Variants in SOX6 observed in about 807,000 individuals in gnomAD.
The protein encoded by SOX6 is transcription factor SOX-6.
A neutral mutation model predicts 97.8 loss-of-function variants in SOX6; 11 were observed. The observed-to-expected ratio is 0.11, with a 90% CI of 0.07 to 0.19. The LOEUF (loss-of-function observed/expected upper bound fraction) is 0.19, where lower values mean the gene tolerates loss of function less well. Ranked by LOEUF, SOX6 falls within the 10% of genes least tolerant of loss-of-function variation. The pLI is 1.00. For synonymous variants in SOX6, 360 were observed against 371.4 expected, an observed-to-expected ratio of 0.97 and a Z score of 0.35; for missense variants, 810 against 1,039.5, an observed-to-expected ratio of 0.78 and a Z score of 3.04.
In SOX6 at chr11:15,969,073, A is replaced by ATTTTT. The variant is rs60907927; in HGVS notation, c.*3731_*3735dup. The ATTTTT allele has an allele frequency of 8.8e-5, 8 of 90,618 alleles. No homozygotes were observed. The highest frequency in any genetic ancestry group is 2.7e-4 in the African/African-American group (7 of 25,814). The allele number at this position is 90,618 out of a possible 1,614,324, so 5.6% of individuals were successfully genotyped here. The stretch of plus-strand genomic sequence containing the variant: ...CCTTTTCCTTCCATTCCATATGGCT[A>ATTTTT]TTTTTTTTTTTTTTTTTTTTTGGGA... On this transcript the variant is annotated 3_prime_UTR_variant, in exon 16 of 16. Coordinates refer to ENST00000683767, the MANE Select transcript of SOX6 (RefSeq NM_001367873.1).
At chr11:16,649,323 C>G (rs1849059354) in intron 3 of SOX6, among the ~76,000 whole-genome samples, 1 of 152,118 alleles carries the variant, frequency 6.6e-6, no homozygotes, top group East Asian at 1.9e-4. Flanking sequence ...ATTCATCAGA[C>G]TATCTAAAGT....
chr11:16,571,346 T>C (rs1416529463), intron 4 of SOX6, among the ~76,000 whole-genome samples: 1 of 152,202 alleles, frequency 6.6e-6, no homozygotes, highest in South Asian at 2.1e-4. Flanking sequence ...ATTACCCCCC[T>C]ATGCAATTTA....
chr11:16,575,302 TATAA>T (rs1164544163), intron 4 of SOX6, among the ~76,000 whole-genome samples: 5 of 152,310 alleles, frequency 3.3e-5, no homozygotes, highest in South Asian at 2.1e-4. Flanking sequence ...TTGGTAACAC[TATAA>T]ATAAACACTT....
chr11:16,452,707 A>C (rs988715894), intron 1 of SOX6, among the ~76,000 whole-genome samples: 1 of 152,200 alleles, frequency 6.6e-6, no homozygotes, highest in African/African-American at 2.4e-5. Context: ...TTCCCTTAGA[A>C]AAGAAAAGAG....
intron 3 of SOX6, among the ~76,000 whole-genome samples, chr11:16,643,035 C>T (rs1388558438): frequency 2.0e-5 from 3 of 152,118 alleles, no homozygotes; most frequent in South Asian, 2.1e-4. Context: ...TTTTCCCCAT[C>T]GTTGTGGTTT....
chr11:16,120,552 C>A (rs932582867), intron 6 of SOX6, among the ~76,000 whole-genome samples: 1 of 134,944 alleles, frequency 7.4e-6, no homozygotes, highest in South Asian at 2.3e-4. Context: ...TAATAAAGAG[C>A]TAACTTCACA....
chr11:16,678,502 A>T (rs1484079120), intron 3 of SOX6, among the ~76,000 whole-genome samples: 1 of 152,196 alleles, frequency 6.6e-6, no homozygotes, highest in South Asian at 2.1e-4. Context: ...GCCAAATAGG[A>T]ACAGCTCCAG....
chr11:16,297,362 A>C (rs1302829413), intron 3 of SOX6, among the ~76,000 whole-genome samples: 1 of 152,192 alleles, frequency 6.6e-6, no homozygotes, highest in African/African-American at 2.4e-5. Context: ...ATATAGTATT[A>C]TGAATATTTC....
intron 1 of SOX6, among the ~76,000 whole-genome samples, chr11:16,429,603 A>C (rs1237896925): frequency 6.6e-6 from 1 of 152,188 alleles, no homozygotes; most frequent in Non-Finnish European, 1.5e-5. Flanking sequence ...ACATGTTATC[A>C]CTTGTAAGTG....
Position 16,490,234 on chromosome 11 carries a change from C to A in SOX6, n.610-13846G>T, listed in dbSNP as rs1860490249. Among the ~76,000 whole-genome samples the A allele has an allele frequency of 3.9e-5, 6 of 151,972 alleles. 1 individual carries two copies. In the South Asian group the frequency reaches 1.2e-3, roughly 32 times the overall value. ...ATATATAAGTGGGCATAGCTGTATT[C>A]CAATAAAATTTTATTTACAAGAACA... is the stretch of plus-strand genomic sequence containing the variant. On this transcript the variant is annotated intron_variant and non_coding_transcript_variant, in intron 4 of 5. Transcript: ENST00000524520.
chr11:16,275,956 C>A (rs1836305450), intron 3 of SOX6, among the ~76,000 whole-genome samples: 3 of 152,050 alleles, frequency 2.0e-5, no homozygotes, highest in African/African-American at 7.2e-5. Flanking sequence ...AATACTATAA[C>A]AGTTTTTGAG....
chr11:16,528,271 C>T (rs921944877), intron 4 of SOX6, among the ~76,000 whole-genome samples: 1 of 152,082 alleles, frequency 6.6e-6, no homozygotes, highest in African/African-American at 2.4e-5. Context: ...CAATATGTCA[C>T]ACTTACTATA....
At chr11:16,038,200 A>G (rs1657251900) in intron 12 of SOX6, among the ~76,000 whole-genome samples, 1 of 152,164 alleles carries the variant, frequency 6.6e-6, no homozygotes, top group Non-Finnish European at 1.5e-5. Context: ...AAGAGTCTTG[A>G]GCATCCAGGA....
chr11:16,248,310 G>A (rs1480102098), intron 3 of SOX6, among the ~76,000 whole-genome samples: 1 of 152,156 alleles, frequency 6.6e-6, no homozygotes, highest in African/African-American at 2.4e-5. Flanking sequence ...CTGGAGAATG[G>A]TGGCCCTCTT....
At position 16,677,064 on chromosome 11, in the gene SOX6, G is replaced by A. The variant is rs996393164; in HGVS notation, n.429+37766C>T. Among the ~76,000 whole-genome samples, 59 of 152,246 alleles carry A rather than the reference G, an allele frequency of 3.9e-4. 1 individual carries two copies. The highest frequency in any genetic ancestry group is 3.9e-3 in the Admixed American group (59 of 15,282). ...CTATTATGCCTTTCCCCAGGTGGCA[G>A]CAATAAAAACATTTGCTTTTAAATG... On this transcript the variant is annotated intron_variant and non_coding_transcript_variant, in intron 3 of 5. Transcript: ENST00000524520.
rs879735097 is a variant in SOX6 at position 16,591,328 on chromosome 11, T to TAGATAGAC, written n.609+20752_609+20753insGTCTATCT. Among the ~76,000 whole-genome samples, 242 of 77,026 alleles carry TAGATAGAC rather than the reference T, an allele frequency of 3.1e-3. 1 individual carries two copies. The highest frequency in any genetic ancestry group is 0.011 in the Middle Eastern group (2 of 178). The allele number at this position is 77,026 out of a possible 152,430, so 50.5% of individuals were successfully genotyped here. A position where few individuals can be genotyped will look rare whatever the true frequency, so the allele number is the denominator to read the frequency against. On this transcript the variant is annotated intron_variant and non_coding_transcript_variant, in intron 4 of 5. Transcript: ENST00000524520. ...ATAAATGGTTAGATACATAGATAGATAGATAGATAGATAGATAGATAGACA... is the reference window on the plus strand; with the variant it reads ...ATAAATGGTTAGATACATAGATAGATAGATAGACAGATAGATAGATAGATAGATAGACA...
intron 4 of SOX6, among the ~76,000 whole-genome samples, chr11:16,603,605 C>A (rs1052725676): frequency 8.5e-5 from 13 of 152,100 alleles, no homozygotes; most frequent in African/African-American, 2.7e-4. Context: ...CCAGGACATA[C>A]AATGCCAAGC....
chr11:16,312,835 T>C (rs1277060347), intron 3 of SOX6: 1 of 152,194 alleles, frequency 6.6e-6, no homozygotes, highest in Non-Finnish European at 1.5e-5. Context: ...AAATTCATCA[T>C]TTTATTATAG....
intron 2 of SOX6, among the ~76,000 whole-genome samples, chr11:16,332,138 T>C (rs1027324666): frequency 6.6e-6 from 1 of 152,164 alleles, no homozygotes; most frequent in Non-Finnish European, 1.5e-5. Context: ...GAGAGAATCA[T>C]CTTTAGTAGA....
Sources: allele counts gnomAD v4.1 joint callset (sites outside exome capture counted in the v4.1 genomes callset), GRCh38; gene constraint gnomAD v4.1.1; transcripts MANE v1.5; gene names NCBI Gene and HGNC (gene_info 2026-07-23, HGNC 2026-07-21).